The following CCDC180 variants were observed in gnomAD, a reference collection of about 807,000 sequenced individuals.
CCDC180 encodes coiled-coil domain containing 180, also known as coiled-coil domain-containing protein 180.
Under a neutral mutation model 209.2 loss-of-function variants are expected in CCDC180, and 154 were observed. The observed-to-expected ratio is 0.74, with a 90% CI of 0.65 to 0.84. The LOEUF (loss-of-function observed/expected upper bound fraction) is 0.84, where lower values mean the gene tolerates loss of function less well. CCDC180 is among the 40% of genes least tolerant of loss of function. The pLI, the probability that CCDC180 is intolerant of heterozygous loss-of-function variation, is 0.00. For missense variants in CCDC180, 1,874 were observed against 1,997.3 expected (o/e 0.94, Z 1.18); for synonymous variants, 778 against 749.1 (o/e 1.04, Z -0.63).
Position 97,362,449 on chromosome 9 carries a change from A to G in CCDC180, c.3902+8A>G. 3.7e-6 allele frequency: 6 copies of G among 1,611,754 alleles called. No individual in the cohort carries two copies. The highest frequency in any genetic ancestry group is 5.1e-6 in the Non-Finnish European group (6 of 1,178,426). ...TGCTACCTCTGCAGGCAGGTAGGAC[A>G]CAAAGCAGCCAGAATCGCCCCTTCC... On this transcript the variant is annotated splice_region_variant and intron_variant, in intron 28 of 36. Coordinates refer to ENST00000529487, the MANE Select transcript of CCDC180 (RefSeq NM_020893.6).
chr9:97,374,839 G>A (rs769195118), intron 35 of CCDC180, among the ~76,000 whole-genome samples, 191 bp downstream of exon 35: 2 of 152,212 alleles, frequency 1.3e-5, no homozygotes, highest in Non-Finnish European at 2.9e-5. Flanking sequence ...AAAGTTAAAT[G>A]AGGTAGTACC....
chr9:97,374,791 G>A, intron 35 of CCDC180, 143 bp downstream of exon 35: 2 of 654,324 alleles, frequency 3.1e-6, no homozygotes. Flanking sequence ...CCTCATCTAT[G>A]AAATGAGCAT....
intron 12 of CCDC180, 150 bp from the exon 13 acceptor site, chr9:97,323,631 G>A (rs1833429186): frequency 1.9e-5 from 19 of 975,714 alleles, no homozygotes; most frequent in Non-Finnish European, 2.4e-5. Context: ...TGGCCCTCCA[G>A]ACCCTAAGGG....
chr9:97,350,678 C>T (rs1198917806), intron 22 of CCDC180, 123 bp downstream of exon 22: 3 of 1,081,604 alleles, frequency 2.8e-6, no homozygotes, highest in Admixed American at 2.4e-5. Context: ...AACATCTTAA[C>T]CATTTTTAGG....
chr9:97,309,832 A>T (rs1832923451), intron 3 of CCDC180, among the ~76,000 whole-genome samples: 1 of 152,172 alleles, frequency 6.6e-6, no homozygotes, highest in Admixed American at 6.5e-5. Flanking sequence ...GGCACTGGGT[A>T]TGGGGATCCC....
intron 29 of CCDC180, chr9:97,365,351 A>T (rs1451507440): frequency 4.0e-6 from 1 of 252,466 alleles, no homozygotes; most frequent in African/African-American, 2.2e-5. Context: ...CCAGTCACAC[A>T]AATCAATCCC....
chr9:97,339,390 A>G (rs1826007565), intron 18 of CCDC180, among the ~76,000 whole-genome samples: 2 of 152,168 alleles, frequency 1.3e-5, no homozygotes, highest in South Asian at 4.1e-4. Context: ...TTGTCTGTAA[A>G]GGATTTTATT....
chr9:97,341,991 A>T (rs1277033201), intron 18 of CCDC180, among the ~76,000 whole-genome samples: 1 of 152,224 alleles, frequency 6.6e-6, no homozygotes, highest in African/African-American at 2.4e-5. Flanking sequence ...CAGGTGCAGG[A>T]TATAATCTCC....
At position 97,354,590 on chromosome 9, in the gene CCDC180, C is replaced by G; in HGVS notation, c.3024C>G (p.Asn1008Lys). 1.2e-6 allele frequency: 2 copies of G among 1,614,176 alleles called. No homozygotes were observed. Among genetic ancestry groups the G allele is most frequent in the East Asian group, 2.2e-5 (1 of 44,878 alleles). Reference protein sequence around the residue: ...KHCRLFSEGGNFSPKEINSLC... With the variant: ...KHCRLFSEGGKFSPKEINSLC... ...TCAGATTGTTTTCAGAGGGAGGCAA[C>G]TTTTCTCCTAAAGAAATCAATTCAC... is the stretch of plus-strand genomic sequence containing the variant. The change falls in exon 23 of 37, where the codon AAC becomes AAG. Residue 1008 changes from asparagine to lysine, a missense_variant. Asn to Lys is a moderately conservative substitution (Grantham distance 94). Coordinates refer to ENST00000529487, the MANE Select transcript of CCDC180 (RefSeq NM_020893.6).
At chr9:97,308,261 A>T (rs2118497084) in intron 2 of CCDC180, 129 bp downstream of exon 2, 14 of 804,058 alleles carry the variant, frequency 1.7e-5, no homozygotes, top group Middle Eastern at 2.5e-4. Flanking sequence ...CTTTGATTTT[A>T]AAAATAATTC....
At chr9:97,320,004 C>G in intron 10 of CCDC180, 122 bp from the exon 11 acceptor site, 2 of 773,370 alleles carry the variant, frequency 2.6e-6, no homozygotes, top group Admixed American at 3.7e-5. Context: ...CCAGCAGTTC[C>G]CTTTGTTCTT....
At chr9:97,364,780 GCT>G (rs568019468) in intron 29 of CCDC180, 79 of 152,356 alleles carry the variant, frequency 5.2e-4, no homozygotes, top group African/African-American at 1.8e-3. Context: ...GAATACTTCG[GCT>G]CTCTATTTTT....
At chr9:97,359,617 A>C (rs1196296981) in intron 25 of CCDC180, among the ~76,000 whole-genome samples, 1 of 152,040 alleles carries the variant, frequency 6.6e-6, no homozygotes, top group Non-Finnish European at 1.5e-5. Context: ...TTCCTTCTAA[A>C]CATAGAATGT....
Position 97,362,352 on chromosome 9 carries a change from G to T in CCDC180, c.3813G>T (p.Ser1271=). The change falls in exon 28 of 37, where the codon TCG becomes TCT. Residue 1271 remains serine (S), a synonymous_variant. Coordinates refer to ENST00000529487, the MANE Select transcript of CCDC180 (RefSeq NM_020893.6). ...PPVLCSCPGP[S]SPKGFKRHRC... ...TCCTCTGCTCCTGTCCTGGGCCCTC[G>T]TCACCCAAAGGCTTCAAGCGACATC... is the stretch of plus-strand genomic sequence containing the variant. 6.2e-7 allele frequency: 1 copy of T among 1,614,086 alleles called. No individual in the cohort carries two copies. Among genetic ancestry groups the T allele is most frequent in the Non-Finnish European group, 8.5e-7 (1 of 1,180,020 alleles).
chr9:97,335,963 G>A (rs1240692456), intron 18 of CCDC180, among the ~76,000 whole-genome samples: 1 of 152,190 alleles, frequency 6.6e-6, no homozygotes, highest in Non-Finnish European at 1.5e-5. Flanking sequence ...TCTGTTGGCG[G>A]CATAAATGTC....
In CCDC180 at chr9:97,359,993, A is replaced by C; in HGVS notation, c.3375A>C (p.Thr1125=). The change falls in exon 26 of 37, where the codon ACA becomes ACC. Residue 1125 remains threonine, a synonymous_variant. Coordinates refer to ENST00000529487, the MANE Select transcript of CCDC180 (RefSeq NM_020893.6). ...CCTTTTCTCACCAGACAGTGACCAC[A>C]GAAGAACTCCTCAGCTTCGTCCAAA... ...ESRGEKTTVT[T]EELLSFVQTW... 1 of 1,613,880 alleles carries C rather than the reference A, an allele frequency of 6.2e-7. No homozygotes were observed. The highest frequency in any genetic ancestry group is 2.2e-5 in the East Asian group (1 of 44,846).
intron 34 of CCDC180, chr9:97,373,457 A>G (rs1165131037): frequency 6.6e-6 from 1 of 152,244 alleles, no homozygotes; most frequent in East Asian, 1.9e-4. Context: ...TCATCCTGCC[A>G]GGCCTTTCCC....
At chr9:97,317,328 C>A in intron 9 of CCDC180, 100 bp downstream of exon 9, 1 of 1,096,208 alleles carries the variant, frequency 9.1e-7, no homozygotes, top group Non-Finnish European at 1.2e-6. Flanking sequence ...CTTAAAAATG[C>A]TGCTGTTTCT....
chr9:97,357,340 C>T (rs912664892), intron 24 of CCDC180, among the ~76,000 whole-genome samples: 5 of 152,184 alleles, frequency 3.3e-5, no homozygotes, highest in African/African-American at 7.2e-5. Context: ...CTATGGCTCT[C>T]GAAGCTTTCC....
Sources: gnomAD v4.1 joint callset for allele counts (sites outside exome capture counted in the v4.1 genomes callset) on GRCh38, gnomAD v4.1.1 for gene constraint, MANE v1.5 for transcripts, NCBI Gene and HGNC (gene_info 2026-07-23, HGNC 2026-07-21) for gene names.